Variants in ADGRB1 observed in about 807,000 individuals in gnomAD.
ADGRB1 encodes the protein adhesion G protein-coupled receptor B1.
In ADGRB1, 36 loss-of-function variants were observed where a neutral mutation model predicts 175.7. The ratio of observed to expected loss-of-function variants is 0.20; its 90% CI spans 0.16 to 0.27. ADGRB1 has a LOEUF of 0.27. ADGRB1 is among the 10% of genes least tolerant of loss of function. The probability of loss-of-function intolerance (pLI) is 1.00; values close to 1 mark genes in which losing one functional copy is unlikely to be tolerated. For synonymous variants in ADGRB1, 1,054 were observed against 979.4 expected, an observed-to-expected ratio of 1.08 and a Z score of -1.42; for missense variants, 1,731 against 2,255.3, an observed-to-expected ratio of 0.77 and a Z score of 4.71.
chr8:142,522,496 C>A, intron 21 of ADGRB1, 145 bp from the exon 22 acceptor site: 1 of 804,224 alleles, frequency 1.2e-6, no homozygotes, highest in Non-Finnish European at 1.9e-6. Flanking sequence ...TCACCTCCTG[C>A]CCCATCTCTT....
At chr8:142,520,199 A>G (rs1587400564) in intron 19 of ADGRB1, among the ~76,000 whole-genome samples, 2 of 58,918 alleles carry the variant, frequency 3.4e-5, no homozygotes, top group African/African-American at 6.9e-5. Context: ...TGCTGGTGCT[A>G]GTGATTATGG....
intron 24 of ADGRB1, among the ~76,000 whole-genome samples, chr8:142,526,956 G>A (rs2132168812): frequency 6.6e-6 from 1 of 152,282 alleles, no homozygotes; most frequent in South Asian, 2.1e-4. Context: ...GGGTGCTGGG[G>A]GTCCCTGGCC....
intron 16 of ADGRB1, among the ~76,000 whole-genome samples, chr8:142,490,429 C>T (rs748125925): frequency 6.6e-6 from 1 of 152,206 alleles, no homozygotes; most frequent in Non-Finnish European, 1.5e-5. Context: ...GTGACCCCTG[C>T]TCACTAGGCC....
rs1841024160 is a variant in ADGRB1, at chr8:142,477,140, C to T, written c.1084C>T (p.Pro362Ser). ...TGDPAAEEWS[P>S]WSVCSSTCGE... Reference sequence around the variant, plus strand: ...TGACCCAGCAGCCGAGGAGTGGTCCCCGTGGAGCGTGTGCTCCAGCACCTG... The same window carrying T: ...TGACCCAGCAGCCGAGGAGTGGTCCTCGTGGAGCGTGTGCTCCAGCACCTG... Residue 362 changes from proline (P) to serine (S), a missense_variant, in exon 5 of 31, where the codon CCG becomes TCG. Physicochemically the swap from Pro to Ser is moderately conservative, Grantham distance 74. Around this residue, in one of 8 missense-constraint regions of ADGRB1, gnomAD observed 178 missense variants for 227.8 expected, o/e 0.78. Transcript: ENST00000517894. 1.3e-6 allele frequency: 2 copies of T among 1,588,142 alleles called. No homozygotes were observed. The highest frequency in any genetic ancestry group is 1.1e-5 in the South Asian group (1 of 89,566).
chr8:142,454,830 CA>C (rs1056131698), intron 1 of ADGRB1, among the ~76,000 whole-genome samples: 4 of 152,040 alleles, frequency 2.6e-5, no homozygotes, highest in Non-Finnish European at 5.9e-5. Flanking sequence ...GAGGAAGCAA[CA>C]AAAAATAGGA....
At chr8:142,520,547 G>A (rs111710663) in intron 19 of ADGRB1, among the ~76,000 whole-genome samples, 4 of 118,368 alleles carry the variant, frequency 3.4e-5, no homozygotes, top group East Asian at 2.8e-4. Context: ...ATTGTGTGAT[G>A]ATGGTGATGA....
rs772215986 is a variant in ADGRB1, at chr8:142,520,938, G to T, written c.3024+13G>T. The T allele has an allele frequency of 1.9e-6, 3 of 1,604,824 alleles. No homozygotes were observed. The highest frequency in any genetic ancestry group is 2.6e-6 in the Non-Finnish European group (3 of 1,172,134). On this transcript the variant is annotated intron_variant, in intron 20 of 30. Coordinates refer to ENST00000517894, the MANE Select transcript of ADGRB1 (RefSeq NM_001702.3). ...GACCCGCAACAAGGTAGGCAGCCTT[G>T]CGTCCTGCCATGCACTTCCCAACAT...
chr8:142,461,520 G>T (rs544826181), intron 1 of ADGRB1, among the ~76,000 whole-genome samples: 5 of 152,334 alleles, frequency 3.3e-5, no homozygotes, highest in African/African-American at 9.6e-5. Flanking sequence ...TTCCAGGTGG[G>T]ATGACCGAGG....
rs532194488 is a variant in ADGRB1 at position 142,524,630 on chromosome 8, C to T, written c.3312+326C>T. On this transcript the variant is annotated intron_variant, in intron 23 of 30. Transcript: ENST00000517894. The stretch of plus-strand genomic sequence containing the variant: ...GGCATGGGAGGAAGCTGGGGATGGA[C>T]GGATGATGCGAGCAGCGGGGAGCTG... Among the ~76,000 whole-genome samples, 52 of 152,284 alleles carry T rather than the reference C, an allele frequency of 3.4e-4. No homozygotes were observed. In the South Asian group the frequency reaches 9.3e-3, roughly 27 times the overall value.
intron 25 of ADGRB1, among the ~76,000 whole-genome samples, chr8:142,534,132 C>T (rs1844792904): frequency 6.6e-6 from 1 of 152,198 alleles, no homozygotes; most frequent in Non-Finnish European, 1.5e-5. Flanking sequence ...AGCAGGGGAG[C>T]CGGTAGGCAG....
rs767787622 is a variant in ADGRB1 at position 142,537,051 on chromosome 8, G to A, written c.3635G>A (p.Gly1212Asp). ...RQEEGNGDSG[G>D]SFQNGHAQLM... The stretch of plus-strand genomic sequence containing the variant: ...GAGGAGGGCAACGGGGACTCAGGGG[G>A]CTCCTTCCAGAACGGCCACGCCCAG... Residue 1212 changes from glycine to aspartate, a missense_variant, in exon 26 of 31, where the codon GGC becomes GAC. Coordinates refer to ENST00000517894, the MANE Select transcript of ADGRB1 (RefSeq NM_001702.3). The surrounding 1 kb of genome is among the most constrained non-coding windows in gnomAD (Gnocchi z 4.6). 5.7e-6 allele frequency: 9 copies of A among 1,580,110 alleles called. No homozygotes were observed. Among genetic ancestry groups the A allele is most frequent in the Admixed American group, 1.8e-5 (1 of 56,954 alleles).
chr8:142,452,165 C>T (rs1338121717), intron 1 of ADGRB1, among the ~76,000 whole-genome samples: 5 of 152,230 alleles, frequency 3.3e-5, no homozygotes, highest in Non-Finnish European at 7.3e-5. Flanking sequence ...GCTAGCTGCT[C>T]CTTGGCGCTG....
In ADGRB1 at chr8:142,535,678, G is replaced by A. The variant is rs564475098; in HGVS notation, c.3571-1309G>A. On this transcript the variant is annotated intron_variant, in intron 25 of 30. Coordinates refer to ENST00000517894, the MANE Select transcript of ADGRB1 (RefSeq NM_001702.3). ...TCTGCCCATGAGGCTGGGGCCTCCT[G>A]GGCTGAGGCTGGCTCGGGTGTTCCT... 3.9e-5 allele frequency among the ~76,000 whole-genome samples: 6 copies of A among 152,290 alleles called. No homozygotes were observed. The East Asian group carries it at 1.2e-3, about 29-fold the overall frequency.
At chr8:142,488,546 G>A (rs754766063) in intron 14 of ADGRB1, 39 bp downstream of exon 14, 67 of 1,602,220 alleles carry the variant, frequency 4.2e-5, no homozygotes, top group Non-Finnish European at 5.6e-5. Flanking sequence ...CTTCATGGGG[G>A]ACGTGGGCCC....
Position 142,479,765 on chromosome 8 carries a change from C to T in ADGRB1, c.1799C>T (p.Ala600Val). 6.2e-7 allele frequency: 1 copy of T among 1,612,980 alleles called. No homozygotes were observed. Among genetic ancestry groups the T allele is most frequent in the African/African-American group, 1.3e-5 (1 of 74,834 alleles). Residue 600 changes from alanine to valine, a missense_variant, in exon 9 of 31, where the codon GCT (alanine) becomes GTT (valine). Physicochemically the swap from Ala to Val is moderately conservative, Grantham distance 64 (BLOSUM62 0). Coordinates refer to ENST00000517894, the MANE Select transcript of ADGRB1 (RefSeq NM_001702.3). Reference sequence around the variant, plus strand: ...AAGGAGACCCCAGCGGGAGAGGTGGCTGCTGTCCGGTGTCCCCGCAACGCC... The same window carrying T: ...AAGGAGACCCCAGCGGGAGAGGTGGTTGCTGTCCGGTGTCCCCGCAACGCC... ...IWKETPAGEV[A>V]AVRCPRNATG...
intron 18 of ADGRB1, among the ~76,000 whole-genome samples, chr8:142,516,290 T>TGCATGCGTGTGTGC (rs1563731144): frequency 3.3e-5 from 4 of 120,710 alleles, no homozygotes; most frequent in African/African-American, 6.8e-5. Context: ...TGCGTGTGTG[T>TGCATGCGTGTGTGC]GGGCCCCAGG....
At chr8:142,487,543 G>T (rs1345906365) in intron 13 of ADGRB1, among the ~76,000 whole-genome samples, 1 of 152,158 alleles carries the variant, frequency 6.6e-6, no homozygotes, top group Admixed American at 6.5e-5. Context: ...TCCTCTCCCT[G>T]CCGCATCTTG....
chr8:142,490,216 T>C (rs1286598217), intron 16 of ADGRB1, among the ~76,000 whole-genome samples: 3 of 152,244 alleles, frequency 2.0e-5, no homozygotes, highest in African/African-American at 7.2e-5. Context: ...GTGGGAACAA[T>C]AGGGCTGGGT....
chr8:142,533,153 G>C (rs1844722627), intron 24 of ADGRB1, 142 bp from the exon 25 acceptor site: 1 of 939,968 alleles, frequency 1.1e-6, no homozygotes, highest in Non-Finnish European at 1.5e-6. Context: ...CAGAGAGGAA[G>C]GGCTGCTTGG....
Sources: gnomAD v4.1 joint callset for allele counts (sites outside exome capture counted in the v4.1 genomes callset) on GRCh38, gnomAD v4.1.1 for gene constraint, gnomAD v4.1.1 regional missense constraint, Gnocchi (gnomAD v3.1) non-coding constraint, MANE v1.5 for transcripts, NCBI Gene and HGNC (gene_info 2026-07-23, HGNC 2026-07-21) for gene names.